Variants in FGR observed in about 807,000 individuals in gnomAD.
The protein encoded by FGR is tyrosine-protein kinase Fgr.
In FGR, 26 loss-of-function variants were observed where a neutral mutation model predicts 63.2. The observed-to-expected ratio is 0.41, with a 90% CI of 0.30 to 0.57. The LOEUF is 0.57. Ranked by LOEUF, FGR falls within the 20% of genes least tolerant of loss-of-function variation. The pLI, the probability that FGR is intolerant of heterozygous loss-of-function variation, is 0.27. For missense variants in FGR, 511 were observed against 690.8 expected (o/e 0.74, Z 2.92); for synonymous variants, 286 against 277.7 (o/e 1.03, Z -0.30).
At chr1:27,626,196 G>T (rs2090019513) in intron 1 of FGR, 1 of 398,554 alleles carries the variant, frequency 2.5e-6, no homozygotes, top group Non-Finnish European at 4.4e-6. Flanking sequence ...TTGAGCAAGG[G>T]TCCCCCACAC....
Position 27,615,421 on chromosome 1 carries a change from T to A in FGR, c.1018+13A>T, listed in dbSNP as rs2231881. On this transcript the variant is annotated intron_variant, in intron 9 of 12. Transcript: ENST00000374005. The surrounding 1 kb of genome is among the most constrained non-coding windows in gnomAD (Gnocchi z 7.6). ...CACCCCGAATCCCGCCCGACCAGGCTCCGCCTCCTGACCGTGACACATGAA... is the reference window on the plus strand; with the variant it reads ...CACCCCGAATCCCGCCCGACCAGGCACCGCCTCCTGACCGTGACACATGAA... 4.6e-4 allele frequency: 734 copies of A among 1,592,154 alleles called. 3 individuals are homozygous for A. The African/African-American group carries it at 8.7e-3, about 19-fold the overall frequency.
intron 10 of FGR, 128 bp from the exon 11 acceptor site, chr1:27,614,711 G>T: frequency 1.5e-6 from 2 of 1,354,432 alleles, no homozygotes; most frequent in Non-Finnish European, 2.0e-6. Flanking sequence ...AGAAAGAGAG[G>T]CAGTACCTCT....
At chr1:27,634,256 G>A (rs970432624) in intron 1 of FGR, among the ~76,000 whole-genome samples, 12 of 152,204 alleles carry the variant, frequency 7.9e-5, no homozygotes, top group African/African-American at 2.4e-4. Context: ...CCGTCGGGGC[G>A]GCAGCAATTC....
rs760465857 is a variant in FGR at position 27,623,092 on chromosome 1, C to T, written c.279G>A (p.Glu93=). 2 of 1,614,048 alleles carry T rather than the reference C, an allele frequency of 1.2e-6. No homozygotes were observed. The highest frequency in any genetic ancestry group is 2.7e-5 in the African/African-American group (2 of 74,928). Residue 93 remains glutamate (E), a synonymous_variant, in exon 4 of 13, where the codon GAG becomes GAA. Coordinates refer to ENST00000374005, the MANE Select transcript of FGR (RefSeq NM_005248.3). ...CGCCCTTGGTGAAGGTGAGGTCATC[C>T]TCAGTTCGAGCCTCATAGTCATACA... ...IALYDYEART[E]DDLTFTKGEK...
In FGR at chr1:27,615,685, G is replaced by T; in HGVS notation, c.838+4C>A. 6.3e-7 allele frequency: 1 copy of T among 1,599,546 alleles called. No homozygotes were observed. Among genetic ancestry groups the T allele is most frequent in the Non-Finnish European group, 8.5e-7 (1 of 1,169,628 alleles). ...CCTCGTCCCGGCCCCCGGGAGCTCC[G>T]TACCCAGCCACACATCCCCGAAGCA... On this transcript the variant is annotated splice_donor_region_variant and intron_variant, in intron 8 of 12. Transcript: ENST00000374005. The surrounding 1 kb of genome is among the most constrained non-coding windows in gnomAD (Gnocchi z 7.6).
intron 1 of FGR, among the ~76,000 whole-genome samples, chr1:27,631,789 GCTGGCCCAGCCGC>G (rs927483787): frequency 9.2e-5 from 14 of 152,166 alleles, no homozygotes; most frequent in African/African-American, 2.7e-4. Context: ...AGAGGGCTGA[GCTGGCCCAGCCGC>G]CTGGGGGATT....
chr1:27,614,277 C>A (rs2089755331), intron 11 of FGR, among the ~76,000 whole-genome samples, 153 bp downstream of exon 11: 1 of 152,176 alleles, frequency 6.6e-6, no homozygotes, highest in Admixed American at 6.5e-5. Flanking sequence ...AAGTGGCCGA[C>A]CTGGGATTTG....
chr1:27,632,137 C>CTTT (rs1250174088), intron 1 of FGR, among the ~76,000 whole-genome samples: 3 of 148,412 alleles, frequency 2.0e-5, no homozygotes, highest in African/African-American at 7.6e-5. Context: ...TCTTCTTCTT[C>CTTT]TTCTTTTTTT....
intron 1 of FGR, among the ~76,000 whole-genome samples, chr1:27,628,067 C>A (rs1490581997): frequency 4.0e-5 from 6 of 149,774 alleles, no homozygotes; most frequent in African/African-American, 1.2e-4. Flanking sequence ...CCAACCTGGG[C>A]AATATGGCAA....
rs758771980 is a variant in FGR at position 27,623,018 on chromosome 1, T to G, written c.329+24A>C. 1.9e-5 allele frequency: 29 copies of G among 1,553,426 alleles called. No homozygotes were observed. The East Asian group carries it at 6.3e-4, about 34-fold the overall frequency. The stretch of plus-strand genomic sequence containing the variant: ...CCTGCTCCCAGCCCAGGCAATGTTC[T>G]GACTAGGTGGCCTGGTCACTTACGT... On this transcript the variant is annotated intron_variant, in intron 4 of 12. Coordinates refer to ENST00000374005, the MANE Select transcript of FGR (RefSeq NM_005248.3).
chr1:27,622,919 T>C (rs1311485617), intron 4 of FGR, 123 bp downstream of exon 4: 1 of 681,992 alleles, frequency 1.5e-6, no homozygotes. Flanking sequence ...AGGGTTTTTA[T>C]TGTTATGTAT....
Position 27,616,977 on chromosome 1 carries a change from C to T in FGR, c.562G>A (p.Asp188Asn), listed in dbSNP as rs746505513. 39 of 1,614,046 alleles carry T rather than the reference C, an allele frequency of 2.4e-5. No individual in the cohort carries two copies. In the Middle Eastern group the frequency reaches 4.9e-4, roughly 20 times the overall value. ...TTCACATGATCGCCTCTGGTCTGATCCCAGTCCCGGATGGACAGGGAGTAG... is the reference window on the plus strand; with the variant it reads ...TTCACATGATCGCCTCTGGTCTGATTCCAGTCCCGGATGGACAGGGAGTAG... Reference protein sequence around the residue: ...GAYSLSIRDWDQTRGDHVKHY... With the variant: ...GAYSLSIRDWNQTRGDHVKHY... Residue 188 changes from aspartate to asparagine, a missense_variant, in exon 7 of 13, where the codon GAT (aspartate) becomes AAT (asparagine). Physicochemically the swap from Asp to Asn is conservative, Grantham distance 23 (BLOSUM62 1). Coordinates refer to ENST00000374005, the MANE Select transcript of FGR (RefSeq NM_005248.3). This position sits in a 1 kb window ranked among gnomAD's most constrained non-coding sequence, Gnocchi z 4.3.
chr1:27,623,946 G>A lies in FGR; in HGVS notation c.-13-17C>T, dbSNP rs148204140. ...GGTTCCCTGCTACAGAATGGGGCAT[G>A]CCTCACTCAAGGACCCCTGCCAGGT... On this transcript the variant is annotated splice_polypyrimidine_tract_variant and intron_variant, in intron 2 of 12. Transcript: ENST00000374005. 121 of 1,554,932 alleles carry A rather than the reference G, an allele frequency of 7.8e-5. No homozygotes were observed. Among genetic ancestry groups the A allele is most frequent in the Non-Finnish European group, 9.6e-5 (110 of 1,147,434 alleles).
chr1:27,614,008 G>A (rs1423334604), intron 11 of FGR, among the ~76,000 whole-genome samples: 1 of 152,128 alleles, frequency 6.6e-6, no homozygotes. Flanking sequence ...ACGAGGAAAC[G>A]GAGACACTGA....
chr1:27,618,681 C>T (rs777048060), intron 5 of FGR, among the ~76,000 whole-genome samples: 10 of 152,184 alleles, frequency 6.6e-5, no homozygotes, highest in Non-Finnish European at 1.0e-4. Context: ...CTCGCCTACC[C>T]GCTCCTGCTC....
chr1:27,626,230 A>G (rs916765008), intron 1 of FGR: 2 of 398,654 alleles, frequency 5.0e-6, no homozygotes, highest in Non-Finnish European at 8.8e-6. Context: ...TTGCCATTGC[A>G]ACACTCAGAG....
chr1:27,626,155 G>A (rs760341879), intron 1 of FGR: 4 of 398,534 alleles, frequency 1.0e-5, no homozygotes, highest in East Asian at 3.6e-5. Context: ...TTCTGGCAGC[G>A]GTATCCTCTG....
intron 4 of FGR, among the ~76,000 whole-genome samples, chr1:27,622,567 G>A (rs1286080655): frequency 2.0e-5 from 3 of 151,978 alleles, no homozygotes; most frequent in African/African-American, 7.2e-5. Context: ...GTGCAGTGGT[G>A]CAATCTCAGC....
intron 1 of FGR, chr1:27,626,435 A>C (rs2090022994): frequency 2.7e-6 from 1 of 371,896 alleles, no homozygotes; most frequent in Non-Finnish European, 4.8e-6. Flanking sequence ...TCTGGGTCCT[A>C]TCCTTTCTAC....
Sources: allele counts gnomAD v4.1 joint callset (sites outside exome capture counted in the v4.1 genomes callset), GRCh38; gene constraint gnomAD v4.1.1; non-coding constraint Gnocchi (gnomAD v3.1); transcripts MANE v1.5; gene names NCBI Gene and HGNC (gene_info 2026-07-23, HGNC 2026-07-21).